The following KLF13 variants were observed in gnomAD, a reference collection of about 807,000 sequenced individuals.
KLF13 encodes the protein Krueppel-like factor 13.
A neutral mutation model predicts 16.7 loss-of-function variants in KLF13; 8 were observed. The ratio of observed to expected loss-of-function variants is 0.48; its 90% CI spans 0.28 to 0.87. The LOEUF (loss-of-function observed/expected upper bound fraction) is 0.87, where lower values mean the gene tolerates loss of function less well. Ranked by LOEUF, KLF13 falls within the 40% of genes least tolerant of loss-of-function variation. The probability of loss-of-function intolerance (pLI) is 0.10; values close to 1 mark genes in which losing one functional copy is unlikely to be tolerated. For synonymous variants in KLF13, 245 were observed against 208.4 expected, an observed-to-expected ratio of 1.18 and a Z score of -1.51; for missense variants, 447 against 452.2, an observed-to-expected ratio of 0.99 and a Z score of 0.10.
At chr15:31,398,856 A>C (rs1566836404) in intron 2 of KLF13, among the ~76,000 whole-genome samples, 2 of 152,124 alleles carry the variant, frequency 1.3e-5, no homozygotes, top group Non-Finnish European at 2.9e-5. Context: ...AGCCGTGGGC[A>C]AGCCCTACAG....
intron 2 of KLF13, among the ~76,000 whole-genome samples, chr15:31,396,900 T>C (rs183516246): frequency 1.1e-4 from 17 of 152,238 alleles, no homozygotes; most frequent in Admixed American, 2.6e-4. Context: ...TAAACCAAGT[T>C]TTCTCCCAAA....
At chr15:31,370,425 C>CTTTTTT (rs58293460) in intron 1 of KLF13, among the ~76,000 whole-genome samples, 184 of 145,172 alleles carry the variant, frequency 1.3e-3, no homozygotes, top group African/African-American at 4.4e-3. Context: ...GTTGTTTTTG[C>CTTTTTT]TTTTTTTTTT....
intron 1 of KLF13, among the ~76,000 whole-genome samples, chr15:31,359,354 G>A (rs1242672997): frequency 1.3e-5 from 2 of 152,200 alleles, no homozygotes; most frequent in African/African-American, 4.8e-5. Flanking sequence ...TTAGCAAAAG[G>A]AGAGCAAACA....
intron 1 of KLF13, among the ~76,000 whole-genome samples, chr15:31,349,711 GC>G (rs1051392831): frequency 6.6e-6 from 1 of 152,180 alleles, no homozygotes; most frequent in African/African-American, 2.4e-5. Flanking sequence ...CCAAGCCTGT[GC>G]CCCTGTGCCT....
chr15:31,406,989 A>G (rs1188470313), downstream of KLF13, among the ~76,000 whole-genome samples: 1 of 152,202 alleles, frequency 6.6e-6, no homozygotes, highest in Non-Finnish European at 1.5e-5. Flanking sequence ...TTTAAATGAC[A>G]TCTGCAAAGT....
intron 1 of KLF13, among the ~76,000 whole-genome samples, chr15:31,348,991 CATT>C (rs2039172637): frequency 6.6e-6 from 1 of 152,150 alleles, no homozygotes; most frequent in Non-Finnish European, 1.5e-5. Context: ...AGCCTCATGA[CATT>C]ATCACCTTCC....
upstream of KLF13, among the ~76,000 whole-genome samples, chr15:31,391,923 A>G (rs2039877221): frequency 3.3e-5 from 5 of 152,028 alleles, no homozygotes; most frequent in Admixed American, 3.3e-4. Flanking sequence ...AAGGCAGAGG[A>G]TTCCTGCGCG....
intron 1 of KLF13, among the ~76,000 whole-genome samples, chr15:31,361,916 C>T (rs1333798382): frequency 6.6e-6 from 1 of 151,320 alleles, no homozygotes; most frequent in Non-Finnish European, 1.5e-5. Flanking sequence ...CTCTTTCTTC[C>T]CTCCCTCCCT....
chr15:31,394,312 TA>T (rs1015154331), intron 2 of KLF13, among the ~76,000 whole-genome samples: 21 of 147,280 alleles, frequency 1.4e-4, no homozygotes, highest in South Asian at 2.2e-4. Flanking sequence ...CCGTCTCTAC[TA>T]AAAAAAAAAT....
At chr15:31,398,517 C>T (rs2039987791) in intron 2 of KLF13, among the ~76,000 whole-genome samples, 1 of 152,112 alleles carries the variant, frequency 6.6e-6, no homozygotes, top group Non-Finnish European at 1.5e-5. Context: ...CAGGGGCATG[C>T]TCGGTGCTGC....
In KLF13 at chr15:31,367,861, G is replaced by A. The variant is rs546099707; in HGVS notation, c.578-4149G>A. Among the ~76,000 whole-genome samples the A allele has an allele frequency of 2.5e-4, 38 of 152,354 alleles. 1 individual carries two copies. The highest frequency in any genetic ancestry group is 5.2e-4 in the Admixed American group (8 of 15,308). The stretch of plus-strand genomic sequence containing the variant: ...GGCAGTGTGCTCACTTCCTGTGGCT[G>A]CTGTCACACATTACCGCAAACTGGG... On this transcript the variant is annotated intron_variant, in intron 1 of 1. Coordinates refer to ENST00000307145, the MANE Select transcript of KLF13 (RefSeq NM_015995.4).
At chr15:31,331,598 C>G (rs1453375757) in intron 1 of KLF13, among the ~76,000 whole-genome samples, 1 of 152,184 alleles carries the variant, frequency 6.6e-6, no homozygotes, top group African/African-American at 2.4e-5. Flanking sequence ...TTACCCAGGG[C>G]AAAGCCAGGC....
chr15:31,335,713 C>T (rs2038919530), intron 1 of KLF13, among the ~76,000 whole-genome samples: 3 of 152,290 alleles, frequency 2.0e-5, no homozygotes, highest in Admixed American at 2.0e-4. Flanking sequence ...CCCAAGGTGA[C>T]TTGTTTGGGG....
chr15:31,416,991 G>A (rs1316865648), intron 1 of KLF13, among the ~76,000 whole-genome samples: 1 of 152,080 alleles, frequency 6.6e-6, no homozygotes, highest in Non-Finnish European at 1.5e-5. Flanking sequence ...TGAATTAATG[G>A]CAATGTTATG....
chr15:31,328,728 G>A (rs529092529), intron 1 of KLF13, among the ~76,000 whole-genome samples: 72 of 152,338 alleles, frequency 4.7e-4, no homozygotes, highest in African/African-American at 1.7e-3. Flanking sequence ...TGATTCATCT[G>A]TGGCGGTTCC....
intron 1 of KLF13, among the ~76,000 whole-genome samples, chr15:31,328,668 C>T (rs2038768053): frequency 1.3e-5 from 2 of 152,194 alleles, no homozygotes; most frequent in Admixed American, 6.5e-5. Flanking sequence ...CCGCCCGCCC[C>T]CGCCAGCCCA....
At chr15:31,334,229 C>G (rs1016648119) in intron 1 of KLF13, among the ~76,000 whole-genome samples, 3 of 152,216 alleles carry the variant, frequency 2.0e-5, no homozygotes, top group Non-Finnish European at 4.4e-5. Context: ...TAATAGCCAG[C>G]TCAAGGGTAA....
chr15:31,428,567 G>A (rs1464256831), intron 1 of KLF13, among the ~76,000 whole-genome samples: 1 of 152,160 alleles, frequency 6.6e-6, no homozygotes, highest in East Asian at 1.9e-4. Context: ...AGCACTTTGG[G>A]AGTCCGAGGC....
intron 1 of KLF13, among the ~76,000 whole-genome samples, chr15:31,343,740 C>T (rs1303217881): frequency 6.6e-6 from 1 of 152,216 alleles, no homozygotes; most frequent in Non-Finnish European, 1.5e-5. Context: ...GCACGCACAG[C>T]CCTCGGGCCA....
Sources: gnomAD v4.1 joint callset for allele counts (sites outside exome capture counted in the v4.1 genomes callset) on GRCh38, gnomAD v4.1.1 for gene constraint, MANE v1.5 for transcripts, NCBI Gene and HGNC (gene_info 2026-07-23, HGNC 2026-07-21) for gene names.